The following SULF2 variants were observed in gnomAD, a reference collection of about 807,000 sequenced individuals.
SULF2 encodes the protein sulfatase 2, also known as extracellular sulfatase Sulf-2.
Under a neutral mutation model 107.7 loss-of-function variants are expected in SULF2, and 52 were observed. The ratio of observed to expected loss-of-function variants is 0.48; its 90% CI spans 0.39 to 0.61. The LOEUF is 0.61. Among genes scored for constraint, SULF2 ranks in the 20% least tolerant of loss-of-function variants. SULF2 has a pLI of 0.00. For synonymous variants in SULF2, 460 were observed against 464.3 expected (o/e 0.99, Z 0.12); for missense variants, 993 against 1,177.3 (o/e 0.84, Z 2.29).
At chr20:47,712,575 C>T (rs2088967883) in intron 3 of SULF2, among the ~76,000 whole-genome samples, 1 of 152,180 alleles carries the variant, frequency 6.6e-6, no homozygotes, top group Non-Finnish European at 1.5e-5. Flanking sequence ...CAGCGCAGTA[C>T]CTGGCCCAGA....
intron 3 of SULF2, among the ~76,000 whole-genome samples, chr20:47,727,647 C>G (rs879424837): frequency 6.6e-6 from 1 of 152,162 alleles, no homozygotes; most frequent in African/African-American, 2.4e-5. Context: ...CTTCCTCTTA[C>G]GGCGCAGGGA....
In SULF2 at chr20:47,707,842, G is replaced by A. The variant is rs533397109; in HGVS notation, c.416-5172C>T. 5.5e-4 allele frequency among the ~76,000 whole-genome samples: 84 copies of A among 152,216 alleles called. 1 individual carries two copies. Among genetic ancestry groups the A allele is most frequent in the East Asian group, 1.3e-3 (7 of 5,186 alleles). ...TTTTGTTACACCCCTACAGAGCCCCGACACTTTCTACTCGTGGCAAACAAT... is the reference window on the plus strand; with the variant it reads ...TTTTGTTACACCCCTACAGAGCCCCAACACTTTCTACTCGTGGCAAACAAT... On this transcript the variant is annotated intron_variant, in intron 3 of 20. Transcript: ENST00000688720.
At chr20:47,775,105 C>T (rs1286051435) in intron 1 of SULF2, among the ~76,000 whole-genome samples, 2 of 152,216 alleles carry the variant, frequency 1.3e-5, no homozygotes, top group African/African-American at 4.8e-5. Context: ...AAAAGCCACA[C>T]TGCCTGGTAT....
intron 11 of SULF2, among the ~76,000 whole-genome samples, chr20:47,667,322 C>G (rs1408972468): frequency 6.6e-6 from 1 of 152,080 alleles, no homozygotes; most frequent in Non-Finnish European, 1.5e-5. Context: ...GGTGCTACAC[C>G]CAGGTGGGCC....
In SULF2 at chr20:47,736,686, C is replaced by G; in HGVS notation, c.415+17G>C. The G allele has an allele frequency of 6.2e-7, 1 of 1,613,950 alleles. No homozygotes were observed. Among genetic ancestry groups the G allele is most frequent in the Non-Finnish European group, 8.5e-7 (1 of 1,179,918 alleles). On this transcript the variant is annotated intron_variant, in intron 3 of 20. Transcript: ENST00000688720. Reference sequence around the variant, plus strand: ...GGCTGTCACTCCCTTCCTGCACCTGCCCCCGTCCCTGCTCACCTGTCCGGT... The same window carrying G: ...GGCTGTCACTCCCTTCCTGCACCTGGCCCCGTCCCTGCTCACCTGTCCGGT...
chr20:47,724,029 G>C (rs1334248466), intron 3 of SULF2, among the ~76,000 whole-genome samples: 2 of 152,146 alleles, frequency 1.3e-5, no homozygotes, highest in East Asian at 3.9e-4. Context: ...TGGAAGTTCT[G>C]AGGAACAAAG....
chr20:47,688,562 G>A (rs2088091003), intron 5 of SULF2, among the ~76,000 whole-genome samples: 3 of 152,212 alleles, frequency 2.0e-5, no homozygotes, highest in Non-Finnish European at 4.4e-5. Context: ...CTTAGACAGG[G>A]CTGAGTGGCC....
At chr20:47,720,197 C>T (rs557687325) in intron 3 of SULF2, among the ~76,000 whole-genome samples, 61 of 152,290 alleles carry the variant, frequency 4.0e-4, no homozygotes, top group African/African-American at 1.4e-3. Flanking sequence ...TCATGATTCA[C>T]CTGCTTTGGC....
rs1211104693 is a variant in SULF2, at chr20:47,657,734, T to G, written c.*628A>C. ...ACTCCTGAAAATTGGGATTTCTTAT[T>G]AGGTTCCCCTAAAAGTTCCCATGTT... On this transcript the variant is annotated 3_prime_UTR_variant, in exon 21 of 21. Coordinates refer to ENST00000688720, the MANE Select transcript of SULF2 (RefSeq NM_001387048.1). 1 of 152,348 alleles carries G rather than the reference T, an allele frequency of 6.6e-6. No homozygotes were observed. The highest frequency in any genetic ancestry group is 2.4e-5 in the African/African-American group (1 of 41,474). 9.4% of individuals were successfully genotyped at this position (152,348 alleles called of 1,614,324 possible). A position where few individuals can be genotyped will look rare whatever the true frequency, so the allele number is the denominator to read the frequency against.
intron 2 of SULF2, among the ~76,000 whole-genome samples, chr20:47,740,223 G>C (rs943069822): frequency 3.3e-5 from 5 of 152,234 alleles, no homozygotes; most frequent in African/African-American, 1.2e-4. Context: ...AACCTGGGGA[G>C]CTGAATGACT....
At position 47,663,454 on chromosome 20, in the gene SULF2, T is replaced by C. The variant is rs769534701; in HGVS notation, c.2226A>G (p.Thr742=). The C allele has an allele frequency of 1.2e-5, 20 of 1,607,992 alleles. No individual in the cohort carries two copies. Among genetic ancestry groups the C allele is most frequent in the Non-Finnish European group, 1.5e-5 (18 of 1,179,974 alleles). The change falls in exon 16 of 21, where the codon ACA becomes ACG. Residue 742 remains threonine, a splice_region_variant and synonymous_variant. Transcript: ENST00000688720. ...CACCCCTGCCCTGGGCTTGCTCACGTGTCCAGAAAGGCGCCGTCTGCCAGT... is the reference window on the plus strand; with the variant it reads ...CACCCCTGCCCTGGGCTTGCTCACGCGTCCAGAAAGGCGCCGTCTGCCAGT... ...NQHWQTAPFW[T]LGPFCACTSA...
At chr20:47,704,277 A>T (rs1395234521) in intron 3 of SULF2, among the ~76,000 whole-genome samples, 1 of 150,374 alleles carries the variant, frequency 6.7e-6, no homozygotes, top group South Asian at 2.1e-4. Context: ...TTGCATGTAC[A>T]TTTTTTTTTT....
At position 47,677,072 on chromosome 20, in the gene SULF2, A is replaced by G. The variant is rs751090824; in HGVS notation, c.1250+6T>C. ...AGGGGTGTCCCTCCCAGGACCCGGCACTCACCCTCTCTCCACCAAGAAGGA... is the reference window on the plus strand; with the variant it reads ...AGGGGTGTCCCTCCCAGGACCCGGCGCTCACCCTCTCTCCACCAAGAAGGA... On this transcript the variant is annotated splice_donor_region_variant and intron_variant, in intron 9 of 20. Transcript: ENST00000688720. 3.1e-6 allele frequency: 5 copies of G among 1,612,616 alleles called. No individual in the cohort carries two copies.
At chr20:47,726,136 G>A (rs1032733210) in intron 3 of SULF2, among the ~76,000 whole-genome samples, 20 of 152,124 alleles carry the variant, frequency 1.3e-4, no homozygotes, top group African/African-American at 4.6e-4. Context: ...CACCCCCTGC[G>A]TTTTTATTGC....
chr20:47,717,814 T>C (rs2089169107), intron 3 of SULF2, among the ~76,000 whole-genome samples: 1 of 22,278 alleles, frequency 4.5e-5, no homozygotes, highest in African/African-American at 1.1e-4. Flanking sequence ...TCAGAGATAA[T>C]TTTTTTTTTT....
At chr20:47,746,992 AAAATATATAT>A (rs1256587045) in intron 2 of SULF2, among the ~76,000 whole-genome samples, 2 of 90,378 alleles carry the variant, frequency 2.2e-5, no homozygotes, top group African/African-American at 8.5e-5. Context: ...TAAAAAAAAA[AAAATATATAT>A]ATATATATAT....
Position 47,665,276 on chromosome 20 carries a change from G to C in SULF2, c.1920C>G (p.Asn640Lys). The C allele has an allele frequency of 6.2e-7, 1 of 1,611,898 alleles. No individual in the cohort carries two copies. Among genetic ancestry groups the C allele is most frequent in the South Asian group, 1.1e-5 (1 of 91,038 alleles). ...GGACTTCCCTCAGGTTCTTAATTTT[G>C]TTCTGCAGGGTTTCAATCTGAGGGA... ...HIDHEIETLQ[N>K]KIKNLREVRG... The change falls in exon 14 of 21, where the codon AAC (asparagine) becomes AAG (lysine). Residue 640 changes from asparagine (N) to lysine (K), a missense_variant. Physicochemically the swap from Asn to Lys is moderately conservative, Grantham distance 94. This residue lies in a region of SULF2 where 497 missense variants were observed against 544.1 expected (regional missense o/e 0.91). Transcript: ENST00000688720.
At chr20:47,702,211 C>A (rs1889172) in intron 4 of SULF2, among the ~76,000 whole-genome samples, 76,855 of 151,910 alleles carry the variant, frequency 0.51, 19,968 homozygotes, top group Admixed American at 0.61. Context: ...GCATGTGCCA[C>A]CACACCCGGC....
Position 47,736,869 on chromosome 20 carries a change from C to A in SULF2, c.249G>T (p.Val83=), listed in dbSNP as rs768832686. Residue 83 remains valine, a synonymous_variant, in exon 3 of 21, where the codon GTG becomes GTT. Transcript: ENST00000688720. ...QGGAHFINAF[V]TTPMCCPSRS... ...GTGAGGGGCAGCACATGGGTGTGGT[C>A]ACGAAGGCGTTGATGAAGTGCGCCC... 9 of 1,614,088 alleles carry A rather than the reference C, an allele frequency of 5.6e-6. No homozygotes were observed. The East Asian group carries it at 1.8e-4, about 32-fold the overall frequency.
Sources: gnomAD v4.1 joint callset for allele counts (sites outside exome capture counted in the v4.1 genomes callset) on GRCh38, gnomAD v4.1.1 for gene constraint, gnomAD v4.1.1 regional missense constraint, MANE v1.5 for transcripts, NCBI Gene and HGNC (gene_info 2026-07-23, HGNC 2026-07-21) for gene names.